FRMD6: variants seen among roughly 807,000 people sequenced by gnomAD.
FRMD6 encodes the protein FERM domain-containing protein 6.
A neutral mutation model predicts 73.2 loss-of-function variants in FRMD6; 37 were observed. The observed-to-expected ratio is 0.51, with a 90% CI of 0.39 to 0.66. FRMD6 has a LOEUF of 0.66. Ranked by LOEUF, FRMD6 falls within the 30% of genes least tolerant of loss-of-function variation. The pLI is 0.00. For missense variants in FRMD6, 714 were observed against 780.5 expected, an observed-to-expected ratio of 0.91 and a Z score of 1.02; for synonymous variants, 273 against 282.2, an observed-to-expected ratio of 0.97 and a Z score of 0.33.
chr14:51,519,985 G>A (rs2140291303), intron 1 of FRMD6, among the ~76,000 whole-genome samples: 1 of 152,266 alleles, frequency 6.6e-6, no homozygotes, highest in South Asian at 2.1e-4. Flanking sequence ...CTAAGGAATG[G>A]TATTTCAAAA....
chr14:51,609,459 G>A (rs1890399962), intron 2 of FRMD6, among the ~76,000 whole-genome samples: 1 of 152,214 alleles, frequency 6.6e-6, no homozygotes, highest in South Asian at 2.1e-4. Context: ...AACGGTTGGG[G>A]AGAACACTAG....
intron 1 of FRMD6, among the ~76,000 whole-genome samples, chr14:51,519,801 G>A (rs1321001737): frequency 6.6e-6 from 1 of 152,150 alleles, no homozygotes; most frequent in Admixed American, 6.6e-5. Flanking sequence ...CACAAAATTT[G>A]GGGGCCCTAT....
chr14:51,434,671 A>T, the FRMD6 span, among the ~76,000 whole-genome samples: 1 of 152,214 alleles, frequency 6.6e-6, no homozygotes, highest in Non-Finnish European at 1.5e-5. Context: ...ATGTTCAGAT[A>T]AGAACCATCA....
chr14:51,489,858 G>A lies in FRMD6; in HGVS notation c.-210+438G>A, dbSNP rs569451992. On this transcript the variant is annotated intron_variant, in intron 1 of 14. Coordinates refer to the FRMD6 transcript ENST00000356218. ...TTTGATGCACCGTTTTATTCTAAAT[G>A]TTTCAAGAGCCCAACAATGACTTCT... is the stretch of plus-strand genomic sequence containing the variant. Among the ~76,000 whole-genome samples, 3 of 152,282 alleles carry A rather than the reference G, an allele frequency of 2.0e-5. No homozygotes were observed. The East Asian group carries it at 5.8e-4, about 29-fold the overall frequency.
At chr14:51,672,813 CTTA>C (rs1434110095) in intron 1 of FRMD6, among the ~76,000 whole-genome samples, 1 of 152,020 alleles carries the variant, frequency 6.6e-6, no homozygotes, top group Non-Finnish European at 1.5e-5. Flanking sequence ...TCATAATAGT[CTTA>C]TTATTGGGTG....
At chr14:51,604,254 G>A (rs1002421123) in intron 2 of FRMD6, among the ~76,000 whole-genome samples, 10 of 152,282 alleles carry the variant, frequency 6.6e-5, no homozygotes, top group African/African-American at 1.2e-4. Flanking sequence ...CACCCATTGC[G>A]TGAAAAGCAC....
At chr14:51,512,300 AT>A (rs907261323) in intron 1 of FRMD6, among the ~76,000 whole-genome samples, 2 of 152,240 alleles carry the variant, frequency 1.3e-5, no homozygotes, top group African/African-American at 4.8e-5. Flanking sequence ...AAGAAAAATT[AT>A]CATAGGATCC....
chr14:51,400,077 A>G, the FRMD6 span, among the ~76,000 whole-genome samples: 1 of 152,210 alleles, frequency 6.6e-6, no homozygotes. Context: ...AGGCTAATAA[A>G]CACAGTCATC....
the FRMD6 span, among the ~76,000 whole-genome samples, chr14:51,408,269 C>T: frequency 4.4e-3 from 670 of 152,020 alleles, 5 homozygotes; most frequent in African/African-American, 0.015. Context: ...GGGTGATCCT[C>T]TCACCTCAGC....
At chr14:51,471,441 C>T in the FRMD6 span, among the ~76,000 whole-genome samples, 1 of 150,024 alleles carries the variant, frequency 6.7e-6, no homozygotes, top group Non-Finnish European at 1.5e-5. Flanking sequence ...GCGGAGCTTG[C>T]AGTTAGCCGA....
intron 1 of FRMD6, among the ~76,000 whole-genome samples, chr14:51,561,691 A>C (rs1305139216): frequency 6.6e-6 from 1 of 152,198 alleles, no homozygotes; most frequent in African/African-American, 2.4e-5. Context: ...GCTGAAGAGC[A>C]CTCACTTCCC....
At chr14:51,455,242 A>AT in the FRMD6 span, among the ~76,000 whole-genome samples, 1 of 152,206 alleles carries the variant, frequency 6.6e-6, no homozygotes, top group East Asian at 1.9e-4. Flanking sequence ...TTATGAAACT[A>AT]TTTTGTCAAG....
intron 2 of FRMD6, among the ~76,000 whole-genome samples, chr14:51,693,074 A>T (rs987521301): frequency 6.6e-6 from 1 of 152,172 alleles, no homozygotes; most frequent in African/African-American, 2.4e-5. Flanking sequence ...CTATAGAATA[A>T]TCGAAGAGTA....
At chr14:51,457,944 G>C in the FRMD6 span, among the ~76,000 whole-genome samples, 3 of 152,192 alleles carry the variant, frequency 2.0e-5, no homozygotes. Context: ...CCTGGTAGTA[G>C]AAGAGGATCT....
intron 2 of FRMD6, among the ~76,000 whole-genome samples, chr14:51,591,465 CT>C (rs1408991934): frequency 5.3e-5 from 8 of 152,332 alleles, no homozygotes; most frequent in African/African-American, 1.9e-4. Context: ...ATTATTCAAA[CT>C]ATTTCTGATA....
chr14:51,558,599 G>A (rs1275575748), intron 1 of FRMD6, among the ~76,000 whole-genome samples: 1 of 151,922 alleles, frequency 6.6e-6, no homozygotes. Context: ...CTCCAAAAAT[G>A]TCATAATATA....
intron 2 of FRMD6, among the ~76,000 whole-genome samples, chr14:51,572,160 G>A (rs1765617719): frequency 6.6e-6 from 1 of 152,228 alleles, no homozygotes; most frequent in African/African-American, 2.4e-5. Context: ...ATAGTGCTAG[G>A]AGAGTAAAGA....
chr14:51,472,525 G>T, the FRMD6 span, among the ~76,000 whole-genome samples: 1 of 152,060 alleles, frequency 6.6e-6, no homozygotes, highest in Admixed American at 6.6e-5. Flanking sequence ...GGATGGCCTC[G>T]ATCTCCTGAC....
At chr14:51,702,096 A>G (rs1896357744) in intron 4 of FRMD6, among the ~76,000 whole-genome samples, 1 of 152,036 alleles carries the variant, frequency 6.6e-6, no homozygotes, top group African/African-American at 2.4e-5. Context: ...GTCTAAATAA[A>G]CAAACAGCAT....
Sources: gnomAD v4.1 joint callset for allele counts (sites outside exome capture counted in the v4.1 genomes callset) on GRCh38, gnomAD v4.1.1 for gene constraint, MANE v1.5 for transcripts, NCBI Gene and HGNC (gene_info 2026-07-23, HGNC 2026-07-21) for gene names.